The following TPD52L2 variants were observed in gnomAD, a reference collection of about 807,000 sequenced individuals.
TPD52L2 encodes TPD52 like 2.
Under a neutral mutation model 24.7 loss-of-function variants are expected in TPD52L2, and 19 were observed. The ratio of observed to expected loss-of-function variants is 0.77; its 90% confidence interval spans 0.54 to 1.13. The LOEUF (loss-of-function observed/expected upper bound fraction) is 1.13. TPD52L2 is among the 50% of genes most tolerant of loss of function. TPD52L2 has a pLI of 0.00. For missense variants in TPD52L2, 236 were observed against 250.4 expected, an observed-to-expected ratio of 0.94 and a Z score of 0.39; for synonymous variants, 104 against 100.2, an observed-to-expected ratio of 1.04 and a Z score of -0.23.
rs200453484 is a variant in TPD52L2 at position 63,875,805 on chromosome 20, T to G, written c.315-11T>G. The stretch of plus-strand genomic sequence containing the variant: ...CTTCTAAATAATTCACTGTAGACTT[T>G]CTGTTTTTAGCTATGTGAAAACTTC... On this transcript the variant is annotated splice_polypyrimidine_tract_variant and intron_variant, in intron 3 of 6. Coordinates refer to ENST00000346249, the MANE Select transcript of TPD52L2 (RefSeq NM_003288.4). 1 of 1,613,850 alleles carries G rather than the reference T, an allele frequency of 6.2e-7. No individual in the cohort carries two copies. The highest frequency in any genetic ancestry group is 1.3e-5 in the African/African-American group (1 of 74,930).
chr20:63,884,670 C>A (rs188881577), intron 5 of TPD52L2, among the ~76,000 whole-genome samples: 1 of 152,204 alleles, frequency 6.6e-6, no homozygotes, highest in Non-Finnish European at 1.5e-5. Context: ...TGACCCGTGT[C>A]GTGTAGCCTC....
chr20:63,871,687 G>A lies in TPD52L2; in HGVS notation c.166-1981G>A, dbSNP rs555751212. Among the ~76,000 whole-genome samples the A allele has an allele frequency of 3.3e-5, 5 of 150,536 alleles. No homozygotes were observed. In the East Asian group the frequency reaches 9.7e-4, roughly 29 times the overall value. On this transcript the variant is annotated intron_variant, in intron 2 of 6. Transcript: ENST00000346249. ...TTGCTCTTGTTGCCCAGGCTGGAGT[G>A]GAATGGTGCGATCTTGGCTCACTGC...
intron 3 of TPD52L2, 140 bp from the exon 4 acceptor site, chr20:63,875,676 A>G: frequency 1.3e-6 from 1 of 779,378 alleles, no homozygotes; most frequent in Non-Finnish European, 2.1e-6. Context: ...GAGGCAGTGG[A>G]CCCCATTTTT....
intron 1 of TPD52L2, 31 bp downstream of exon 1, chr20:63,865,415 G>A: frequency 1.3e-6 from 2 of 1,526,658 alleles, no homozygotes; most frequent in Non-Finnish European, 1.8e-6. Flanking sequence ...CTTCGCCGCA[G>A]ATGGGCCCAG....
At chr20:63,867,063 C>G (rs1455942869) in intron 1 of TPD52L2, among the ~76,000 whole-genome samples, 1 of 151,810 alleles carries the variant, frequency 6.6e-6, no homozygotes, top group Non-Finnish European at 1.5e-5. Context: ...AAGCGATTCT[C>G]CTGCCTCAGC....
At chr20:63,870,548 G>C (rs887040855) in intron 2 of TPD52L2, among the ~76,000 whole-genome samples, 1 of 95,844 alleles carries the variant, frequency 1.0e-5, no homozygotes, top group Non-Finnish European at 1.9e-5. Context: ...TTTTTTTTGA[G>C]TCGGAGTCTC....
intron 5 of TPD52L2, among the ~76,000 whole-genome samples, chr20:63,885,323 T>C (rs533835754): frequency 6.6e-6 from 1 of 152,196 alleles, no homozygotes; most frequent in Non-Finnish European, 1.5e-5. Flanking sequence ...ACCGTCTGAC[T>C]CCGTGGTCTC....
At chr20:63,881,616 T>C (rs1239100100) in intron 4 of TPD52L2, among the ~76,000 whole-genome samples, 1 of 152,170 alleles carries the variant, frequency 6.6e-6, no homozygotes, top group Non-Finnish European at 1.5e-5. Context: ...AGGAGGAGCC[T>C]GTGCCTTCTC....
chr20:63,876,398 A>G (rs964793960), intron 4 of TPD52L2, among the ~76,000 whole-genome samples: 3 of 152,128 alleles, frequency 2.0e-5, no homozygotes, highest in Non-Finnish European at 4.4e-5. Context: ...GAGGCACTGC[A>G]TTGTCAGAGC....
Position 63,867,818 on chromosome 20 carries a change from AAAAG to A in TPD52L2, c.20-1476_20-1473del, listed in dbSNP as rs762379897. Reference sequence around the variant, plus strand: ...TTTTTTTTTTGAGACAGTCTCAAAAAAAAGAGACGGGGTTTCACCATATTGGCCA... The same window carrying A: ...TTTTTTTTTTGAGACAGTCTCAAAAAAGACGGGGTTTCACCATATTGGCCA... On this transcript the variant is annotated intron_variant, in intron 1 of 6. Coordinates refer to ENST00000346249, the MANE Select transcript of TPD52L2 (RefSeq NM_003288.4). 6.3e-3 allele frequency among the ~76,000 whole-genome samples: 955 copies of A among 150,986 alleles called. 5 individuals are homozygous for A. Among genetic ancestry groups the A allele is most frequent in the Non-Finnish European group, 0.01 (700 of 67,688 alleles).
Position 63,877,313 on chromosome 20 carries a change from C to T in TPD52L2, c.374+1438C>T, listed in dbSNP as rs757378327. On this transcript the variant is annotated intron_variant, in intron 4 of 6. Transcript: ENST00000346249. The surrounding 1 kb of genome is among the most constrained non-coding windows in gnomAD (Gnocchi z 4.1). Reference sequence around the variant, plus strand: ...GTGCTGGGACTACAGGCGCCCACCACCACGCCCGGCTAATTTTTTGTATTT... The same window carrying T: ...GTGCTGGGACTACAGGCGCCCACCATCACGCCCGGCTAATTTTTTGTATTT... The T allele has an allele frequency of 1.2e-4, 33 of 273,814 alleles. No homozygotes were observed. The highest frequency in any genetic ancestry group is 1.6e-4 in the Non-Finnish European group (23 of 139,446). 17.0% of individuals were successfully genotyped at this position (273,814 alleles called of 1,614,324 possible). A position where few individuals can be genotyped will look rare whatever the true frequency, so the allele number is the denominator to read the frequency against.
chr20:63,884,686 A>T (rs1461282555), intron 5 of TPD52L2, among the ~76,000 whole-genome samples: 1 of 152,004 alleles, frequency 6.6e-6, no homozygotes, highest in Non-Finnish European at 1.5e-5. Context: ...GCCTCAGGGC[A>T]TGGCTGGCAG....
chr20:63,874,912 G>C (rs2052609834), intron 3 of TPD52L2, among the ~76,000 whole-genome samples: 3 of 152,194 alleles, frequency 2.0e-5, no homozygotes, highest in East Asian at 3.9e-4. Flanking sequence ...GGCTGAGGCG[G>C]GTGTATCACT....
At position 63,869,891 on chromosome 20, in the gene TPD52L2, A is replaced by G. The variant is rs75983016; in HGVS notation, c.165+450A>G. Reference sequence around the variant, plus strand: ...TGTAATTCCAGCGCCTTAGGAGGACAGGGTGGTAAGGTGGGAAGATCACTT... The same window carrying G: ...TGTAATTCCAGCGCCTTAGGAGGACGGGGTGGTAAGGTGGGAAGATCACTT... On this transcript the variant is annotated intron_variant, in intron 2 of 6. Transcript: ENST00000346249. Among the ~76,000 whole-genome samples the G allele has an allele frequency of 7.8e-3, 1,184 of 152,330 alleles. 17 individuals are homozygous for G. Among genetic ancestry groups the G allele is most frequent in the African/African-American group, 0.027 (1,130 of 41,564 alleles).
intron 4 of TPD52L2, among the ~76,000 whole-genome samples, chr20:63,882,170 C>T (rs4809377): frequency 0.037 from 5,709 of 152,312 alleles, 279 homozygotes; most frequent in East Asian, 0.19. Context: ...CTGTGACGCT[C>T]GTTCCCCACA....
chr20:63,878,438 C>T (rs1422122410), intron 4 of TPD52L2, among the ~76,000 whole-genome samples: 3 of 152,216 alleles, frequency 2.0e-5, no homozygotes, highest in African/African-American at 7.2e-5. Flanking sequence ...TGAGCTGGTT[C>T]ACTTGGAGTT....
At chr20:63,875,615 C>T (rs2236150) in intron 3 of TPD52L2, among the ~76,000 whole-genome samples, 6,319 of 152,262 alleles carry the variant, frequency 0.042, 304 homozygotes, top group East Asian at 0.2. Context: ...ACATCAGTTC[C>T]GCTATACCCA....
chr20:63,881,853 G>T (rs992840877), intron 4 of TPD52L2, among the ~76,000 whole-genome samples: 2 of 152,178 alleles, frequency 1.3e-5, no homozygotes, highest in African/African-American at 2.4e-5. Flanking sequence ...GCTGGATGAG[G>T]GCCAGCGACT....
At chr20:63,868,006 C>T (rs1341013818) in intron 1 of TPD52L2, among the ~76,000 whole-genome samples, 8 of 151,478 alleles carry the variant, frequency 5.3e-5, no homozygotes, top group African/African-American at 1.5e-4. Flanking sequence ...TGTAATCTCC[C>T]GGGTTCAAGT....
Sources: gnomAD v4.1 joint callset for allele counts (sites outside exome capture counted in the v4.1 genomes callset) on GRCh38, gnomAD v4.1.1 for gene constraint, Gnocchi (gnomAD v3.1) non-coding constraint, MANE v1.5 for transcripts, NCBI Gene and HGNC (gene_info 2026-07-23, HGNC 2026-07-21) for gene names.